Variants in KCNIP1 observed in about 807,000 individuals in gnomAD.
KCNIP1 encodes A-type potassium channel modulatory protein KCNIP1.
KCNIP1 carries 18 observed loss-of-function variants against 33.0 expected under a neutral mutation model. The ratio of observed to expected loss-of-function variants is 0.55; its 90% CI spans 0.38 to 0.81. The LOEUF (loss-of-function observed/expected upper bound fraction) is 0.81. Among genes scored for constraint, KCNIP1 ranks in the 30% least tolerant of loss-of-function variants. The pLI, the probability that KCNIP1 is intolerant of heterozygous loss-of-function variation, is 0.00. For synonymous variants in KCNIP1, 93 were observed against 98.3 expected (o/e 0.95, Z 0.32); for missense variants, 238 against 271.6 (o/e 0.88, Z 0.87).
At chr5:170,521,544 TCTGTG>T in intron 1 of KCNIP1, among the ~76,000 whole-genome samples, 2 of 152,306 alleles carry the variant, frequency 1.3e-5, no homozygotes, top group Non-Finnish European at 2.9e-5. Flanking sequence ...CAATGTCATG[TCTGTG>T]GCTGGGGATC....
intron 1 of KCNIP1, among the ~76,000 whole-genome samples, chr5:170,647,477 A>G (rs1760831290): frequency 6.6e-6 from 1 of 152,098 alleles, no homozygotes; most frequent in African/African-American, 2.4e-5. Flanking sequence ...CCACATGAAT[A>G]GAGTTGACTG....
At chr5:170,466,098 GAGA>G (rs1489517752) in intron 1 of KCNIP1, among the ~76,000 whole-genome samples, 2 of 152,206 alleles carry the variant, frequency 1.3e-5, no homozygotes, top group African/African-American at 4.8e-5. Flanking sequence ...GGCTCAAATT[GAGA>G]AGAAGACAAG....
At chr5:170,368,831 C>T (rs1473232118) in intron 1 of KCNIP1, among the ~76,000 whole-genome samples, 4 of 152,206 alleles carry the variant, frequency 2.6e-5, no homozygotes, top group East Asian at 1.9e-4. Flanking sequence ...CCTGTGTCCC[C>T]GTGACCAAAC....
intron 1 of KCNIP1, among the ~76,000 whole-genome samples, chr5:170,686,041 G>A (rs946859723): frequency 1.2e-4 from 18 of 152,098 alleles, no homozygotes; most frequent in Non-Finnish European, 1.2e-4. Flanking sequence ...AGTACTTGTT[G>A]CTGGCCTGTA....
intron 1 of KCNIP1, among the ~76,000 whole-genome samples, chr5:170,642,432 C>T (rs570118903): frequency 1.6e-4 from 24 of 152,330 alleles, no homozygotes; most frequent in African/African-American, 5.1e-4. Context: ...CTGTGGAAGC[C>T]GATGGACTGG....
chr5:170,484,408 T>C (rs975033006), intron 1 of KCNIP1, among the ~76,000 whole-genome samples: 1 of 152,070 alleles, frequency 6.6e-6, no homozygotes, highest in Non-Finnish European at 1.5e-5. Context: ...GTGCAGGCCC[T>C]CCAGGAGGCT....
At chr5:170,361,551 C>T (rs938333104) in intron 1 of KCNIP1, among the ~76,000 whole-genome samples, 1 of 152,148 alleles carries the variant, frequency 6.6e-6, no homozygotes, top group African/African-American at 2.4e-5. Flanking sequence ...GAGTCCAAAT[C>T]CTCACAACTG....
intron 1 of KCNIP1, among the ~76,000 whole-genome samples, chr5:170,524,242 G>C (rs1027090059): frequency 6.6e-6 from 1 of 152,130 alleles, no homozygotes; most frequent in Non-Finnish European, 1.5e-5. Flanking sequence ...CCCTTCCCAA[G>C]CTGCCAACGC....
chr5:170,678,731 T>C (rs1762229925), intron 1 of KCNIP1, among the ~76,000 whole-genome samples: 1 of 152,050 alleles, frequency 6.6e-6, no homozygotes, highest in African/African-American at 2.4e-5. Flanking sequence ...GGAAAATGGC[T>C]GAGAGGAGAG....
intron 1 of KCNIP1, among the ~76,000 whole-genome samples, chr5:170,616,464 G>C (rs1759374869): frequency 6.6e-6 from 1 of 152,174 alleles, no homozygotes; most frequent in Admixed American, 6.5e-5. Context: ...CTTCAGTCTG[G>C]AGCATGCTTC....
intron 1 of KCNIP1, among the ~76,000 whole-genome samples, chr5:170,710,664 C>T (rs1321247844): frequency 2.6e-5 from 4 of 152,218 alleles, no homozygotes; most frequent in Non-Finnish European, 4.4e-5. Flanking sequence ...TCTCCAAAGC[C>T]TTCAAAAATG....
intron 1 of KCNIP1, among the ~76,000 whole-genome samples, chr5:170,517,949 C>CGGT (rs1379694602): frequency 1.8e-5 from 2 of 111,680 alleles, no homozygotes; most frequent in Non-Finnish European, 3.7e-5. Flanking sequence ...ATGGTAGTGA[C>CGGT]GGTGGTGGTG....
chr5:170,529,859 A>G (rs1388178458), intron 1 of KCNIP1, among the ~76,000 whole-genome samples: 1 of 152,194 alleles, frequency 6.6e-6, no homozygotes, highest in African/African-American at 2.4e-5. Flanking sequence ...GCCATCAAGC[A>G]ATATGGTCTT....
intron 1 of KCNIP1, among the ~76,000 whole-genome samples, chr5:170,558,753 A>G (rs1756928061): frequency 6.6e-6 from 1 of 152,240 alleles, no homozygotes; most frequent in Non-Finnish European, 1.5e-5. Flanking sequence ...ATGAACTGGA[A>G]AAGCACAAAC....
chr5:170,622,762 T>C (rs76976580), intron 1 of KCNIP1, among the ~76,000 whole-genome samples: 5 of 152,092 alleles, frequency 3.3e-5, no homozygotes, highest in Admixed American at 2.6e-4. Flanking sequence ...AGGAAGGGTT[T>C]TCCTAGAGCC....
At chr5:170,505,322 A>G (rs1754673743) in intron 1 of KCNIP1, among the ~76,000 whole-genome samples, 2 of 152,072 alleles carry the variant, frequency 1.3e-5, no homozygotes, top group South Asian at 4.1e-4. Flanking sequence ...TGATCTCACC[A>G]TCCGTGGGAG....
chr5:170,479,455 T>C (rs1027222149), intron 1 of KCNIP1, among the ~76,000 whole-genome samples: 1 of 152,230 alleles, frequency 6.6e-6, no homozygotes, highest in African/African-American at 2.4e-5. Context: ...GAAAAGTGCC[T>C]ATCGATGCTT....
Position 170,732,883 on chromosome 5 carries a change from G to T in KCNIP1, c.519G>T (p.Gln173His). The T allele has an allele frequency of 6.2e-7, 1 of 1,611,924 alleles. No individual in the cohort carries two copies. Among genetic ancestry groups the T allele is most frequent in the South Asian group, 1.1e-5 (1 of 90,950 alleles). Residue 173 changes from glutamine (Q) to histidine (H), a missense_variant, in exon 6 of 8, where the codon CAG (glutamine) becomes CAT (histidine). Gln to His is a conservative substitution (Grantham distance 24). Coordinates refer to ENST00000328939, the MANE Select transcript of KCNIP1 (RefSeq NM_014592.4). ...TGCTCAAAGAGGACACTCCAAGGCAGCATGTGGACGTCTTCTTCCAGGTAA... is the reference window on the plus strand; with the variant it reads ...TGCTCAAAGAGGACACTCCAAGGCATCATGTGGACGTCTTCTTCCAGGTAA... ...YPVLKEDTPR[Q>H]HVDVFFQKMD...
chr5:170,484,526 T>C (rs1418033176), intron 1 of KCNIP1, among the ~76,000 whole-genome samples: 1 of 152,186 alleles, frequency 6.6e-6, no homozygotes, highest in Non-Finnish European at 1.5e-5. Context: ...TCCAAGGCTG[T>C]GTGCTCCCCA....
Sources: gnomAD v4.1 joint callset for allele counts (sites outside exome capture counted in the v4.1 genomes callset) on GRCh38, gnomAD v4.1.1 for gene constraint, MANE v1.5 for transcripts, NCBI Gene and HGNC (gene_info 2026-07-23, HGNC 2026-07-21) for gene names.